SCN7A: variants seen among roughly 807,000 people sequenced by gnomAD.
SCN7A encodes the protein sodium voltage-gated channel alpha subunit 7.
Under a neutral mutation model 155.2 loss-of-function variants are expected in SCN7A, and 138 were observed. That is an observed-to-expected ratio of 0.89 (90% confidence interval 0.77 to 1.02). The LOEUF is 1.02. SCN7A is among the 50% of genes least tolerant of loss of function. SCN7A has a pLI of 0.00. For missense variants in SCN7A, 2,058 were observed against 1,986.6 expected (o/e 1.04, Z -0.68); for synonymous variants, 693 against 649.0 (o/e 1.07, Z -1.03).
chr2:166,444,055 T>C (rs1158319793), intron 13 of SCN7A, among the ~76,000 whole-genome samples: 3 of 152,182 alleles, frequency 2.0e-5, no homozygotes, highest in Non-Finnish European at 4.4e-5. Context: ...AAGCTGTCCT[T>C]TAAAAACTGT....
At chr2:166,446,530 A>G (rs1259376014) in intron 12 of SCN7A, among the ~76,000 whole-genome samples, 1 of 152,198 alleles carries the variant, frequency 6.6e-6, no homozygotes, top group Non-Finnish European at 1.5e-5. Context: ...GTATATATCC[A>G]AGGGATTATG....
intron 17 of SCN7A, 91 bp from the exon 18 acceptor site, chr2:166,428,033 T>C: frequency 7.9e-7 from 1 of 1,268,262 alleles, no homozygotes; most frequent in African/African-American, 1.5e-5. Context: ...ACAGCAATTA[T>C]TTATTTACAA....
intron 17 of SCN7A, among the ~76,000 whole-genome samples, chr2:166,428,348 C>T (rs1288903642): frequency 6.6e-6 from 1 of 151,978 alleles, no homozygotes; most frequent in Non-Finnish European, 1.5e-5. Flanking sequence ...ACATGCATTC[C>T]TGTTTAAAAA....
At chr2:166,461,164 A>G (rs964694059) in intron 10 of SCN7A, among the ~76,000 whole-genome samples, 1 of 146,674 alleles carries the variant, frequency 6.8e-6, no homozygotes, top group Non-Finnish European at 1.5e-5. Flanking sequence ...CCCCAAATAT[A>G]TTATATTAGC....
chr2:166,423,342 C>T lies in SCN7A; in HGVS notation c.2944G>A (p.Glu982Lys). 1 of 1,612,004 alleles carries T rather than the reference C, an allele frequency of 6.2e-7. No homozygotes were observed. The highest frequency in any genetic ancestry group is 8.5e-7 in the Non-Finnish European group (1 of 1,179,048). ...TATGCCATCCATTTTAGAAGCATTTCCAGAATGAAGATATAAGTAAAGATC... is the reference window on the plus strand; with the variant it reads ...TATGCCATCCATTTTAGAAGCATTTTCAGAATGAAGATATAAGTAAAGATC... ...DMIFTYIFIL[E>K]MLLKWMAYGF... Residue 982 changes from glutamate to lysine, a missense_variant, in exon 19 of 26, where the codon GAA becomes AAA. Coordinates refer to ENST00000643258, the MANE Select transcript of SCN7A (RefSeq NM_002976.4).
intron 3 of SCN7A, among the ~76,000 whole-genome samples, chr2:166,475,667 C>G (rs991513762): frequency 1.3e-5 from 2 of 151,836 alleles, no homozygotes; most frequent in African/African-American, 2.4e-5. Context: ...AAACTTCACA[C>G]AAGATGTAAT....
At position 166,432,311 on chromosome 2, in the gene SCN7A, A is replaced by T. The variant is rs776817580; in HGVS notation, c.2592+7T>A. ...CACTAAGCAATCAGGATATTTAAACATCTTACCTCTTTGCTGCCTCCATCA... is the reference window on the plus strand; with the variant it reads ...CACTAAGCAATCAGGATATTTAAACTTCTTACCTCTTTGCTGCCTCCATCA... On this transcript the variant is annotated splice_region_variant and intron_variant, in intron 16 of 25. Transcript: ENST00000643258. 3 of 1,591,128 alleles carry T rather than the reference A, an allele frequency of 1.9e-6. No homozygotes were observed. Among genetic ancestry groups the T allele is most frequent in the Middle Eastern group, 1.7e-4 (1 of 5,888 alleles).
intron 7 of SCN7A, among the ~76,000 whole-genome samples, 160 bp downstream of exon 7, chr2:166,470,455 C>T (rs1333826479): frequency 6.6e-6 from 1 of 151,782 alleles, no homozygotes; most frequent in Middle Eastern, 3.2e-3. Context: ...TTTTTCTTCT[C>T]TTTCCTGGAG....
intron 11 of SCN7A, among the ~76,000 whole-genome samples, chr2:166,448,813 T>C (rs1400045782): frequency 6.6e-6 from 1 of 152,148 alleles, no homozygotes; most frequent in Non-Finnish European, 1.5e-5. Context: ...AATAACAGAG[T>C]ATTTTTCTAA....
chr2:166,486,988 A>C lies in SCN7A; in HGVS notation c.-127-20T>G, dbSNP rs1703067468. ...GAGGACCTGTTGCAAAACAGTTCTA[A>C]AGCTTGAAATCAGACAAACACAACT... On this transcript the variant is annotated intron_variant, in intron 1 of 25. Coordinates refer to ENST00000643258, the MANE Select transcript of SCN7A (RefSeq NM_002976.4). The C allele has an allele frequency of 6.6e-6, 1 of 152,194 alleles. No homozygotes were observed. Among genetic ancestry groups the C allele is most frequent in the Non-Finnish European group, 1.5e-5 (1 of 68,046 alleles). 9.4% of individuals were successfully genotyped at this position (152,194 alleles called of 1,614,324 possible). A position where few individuals can be genotyped will look rare whatever the true frequency, so the allele number is the denominator to read the frequency against.
At position 166,475,028 on chromosome 2, in the gene SCN7A, G is replaced by A. The variant is rs1317360833; in HGVS notation, c.235-684C>T. 4.9e-5 allele frequency among the ~76,000 whole-genome samples: 7 copies of A among 142,150 alleles called. No homozygotes were observed. The South Asian group carries it at 6.6e-4, about 13-fold the overall frequency. 93.3% of individuals were successfully genotyped at this position (142,150 alleles called of 152,430 possible). On this transcript the variant is annotated intron_variant, in intron 3 of 25. Coordinates refer to ENST00000643258, the MANE Select transcript of SCN7A (RefSeq NM_002976.4). ...TGTATGTACATGAATGTGTGTGTGT[G>A]TATATATATATATACCTGTAAATGA...
intron 23 of SCN7A, 102 bp downstream of exon 23, chr2:166,412,428 A>C (rs1262641345): frequency 3.4e-6 from 4 of 1,189,230 alleles, no homozygotes; most frequent in Non-Finnish European, 4.3e-6. Flanking sequence ...AAATGACATT[A>C]AGCTGAATCC....
intron 7 of SCN7A, among the ~76,000 whole-genome samples, chr2:166,467,500 T>TATATAC (rs1553519822): frequency 8.8e-5 from 13 of 148,164 alleles, no homozygotes; most frequent in African/African-American, 2.7e-4. Flanking sequence ...TATATATATA[T>TATATAC]ACACACACAC....
At chr2:166,439,261 G>C (rs1701906121) in intron 15 of SCN7A, among the ~76,000 whole-genome samples, 1 of 151,778 alleles carries the variant, frequency 6.6e-6, no homozygotes, top group Non-Finnish European at 1.5e-5. Flanking sequence ...CCAGCTGTAA[G>C]AGAGAGCTAT....
At chr2:166,486,762 CAGACACATCATTACAT>C (rs1703060163) in intron 2 of SCN7A, 78 bp downstream of exon 2, 1 of 152,226 alleles carries the variant, frequency 6.6e-6, no homozygotes, top group Admixed American at 6.5e-5. Flanking sequence ...ATAAAGCAAG[CAGACACATCATTACAT>C]TTTCTTGTTT....
At chr2:166,465,740 A>C in intron 8 of SCN7A, 41 bp downstream of exon 8, 3 of 1,598,382 alleles carry the variant, frequency 1.9e-6, no homozygotes, top group Non-Finnish European at 2.6e-6. Flanking sequence ...GCCTTTAACG[A>C]AAGTTTCAAT....
intron 3 of SCN7A, among the ~76,000 whole-genome samples, chr2:166,476,273 T>C (rs1000512001): frequency 5.1e-4 from 78 of 151,572 alleles, no homozygotes; most frequent in African/African-American, 1.9e-3. Context: ...ATAACTGTAA[T>C]TTATTAAAAA....
At chr2:166,432,841 A>T in intron 15 of SCN7A, 89 bp from the exon 16 acceptor site, 1 of 845,566 alleles carries the variant, frequency 1.2e-6, no homozygotes, top group Non-Finnish European at 1.8e-6. Context: ...TGATGAGAAC[A>T]TTTAATATCT....
At chr2:166,478,246 A>T (rs1702844287) in intron 2 of SCN7A, among the ~76,000 whole-genome samples, 2 of 151,480 alleles carry the variant, frequency 1.3e-5, no homozygotes, top group African/African-American at 4.8e-5. Context: ...ACATGTATAC[A>T]TATGTAACAA....
Sources: allele counts gnomAD v4.1 joint callset (sites outside exome capture counted in the v4.1 genomes callset), GRCh38; gene constraint gnomAD v4.1.1; transcripts MANE v1.5; gene names NCBI Gene and HGNC (gene_info 2026-07-23, HGNC 2026-07-21).